LRP1B: variants seen among roughly 807,000 people sequenced by gnomAD.
LRP1B encodes the protein LDL receptor related protein 1B, also known as low-density lipoprotein receptor-related protein 1B.
LRP1B carries 217 observed loss-of-function variants against 556.6 expected under a neutral mutation model. The observed-to-expected ratio is 0.39, with a 90% confidence interval of 0.35 to 0.44. LRP1B has a LOEUF of 0.44. Among genes scored for constraint, LRP1B ranks in the 20% least tolerant of loss-of-function variants. The pLI is 1.00. For synonymous variants in LRP1B, 2,047 were observed against 1,865.8 expected (o/e 1.10, Z -2.50); for missense variants, 5,053 against 5,620.8 (o/e 0.90, Z 3.23).
intron 3 of LRP1B, among the ~76,000 whole-genome samples, chr2:141,365,026 A>C (rs60803164): frequency 0.06 from 9,179 of 152,264 alleles, 378 homozygotes; most frequent in African/African-American, 0.11. Context: ...ATTCACTGAG[A>C]GAAAACAGCT....
At chr2:141,771,016 G>A (rs909267766) in intron 2 of LRP1B, among the ~76,000 whole-genome samples, 12 of 152,090 alleles carry the variant, frequency 7.9e-5, no homozygotes, top group African/African-American at 1.2e-4. Flanking sequence ...CTGACTTCTC[G>A]TGTTTTATTA....
At chr2:141,244,286 T>C (rs1249018390) in intron 5 of LRP1B, among the ~76,000 whole-genome samples, 1 of 152,224 alleles carries the variant, frequency 6.6e-6, no homozygotes, top group East Asian at 1.9e-4. Flanking sequence ...ATTTTTATAG[T>C]ATCCTTTCTT....
At chr2:140,952,024 G>T in intron 18 of LRP1B, 84 bp from the exon 19 acceptor site, 1 of 956,520 alleles carries the variant, frequency 1.0e-6, no homozygotes, top group South Asian at 1.4e-5. Flanking sequence ...AATGTGATCA[G>T]AACTCCTTCC....
chr2:142,010,554 CAAAAAAAA>C (rs33927334), intron 1 of LRP1B, among the ~76,000 whole-genome samples: 4 of 60,240 alleles, frequency 6.6e-5, no homozygotes, highest in African/African-American at 1.3e-4. Flanking sequence ...GATTCTGTCT[CAAAAAAAA>C]AAAAAAAAAA....
intron 2 of LRP1B, among the ~76,000 whole-genome samples, chr2:141,541,260 C>T (rs1295343495): frequency 2.6e-5 from 4 of 152,108 alleles, no homozygotes; most frequent in South Asian, 2.1e-4. Context: ...GTGGACTCTG[C>T]CATCCAGAAA....
At chr2:141,646,195 A>G (rs868227164) in intron 2 of LRP1B, among the ~76,000 whole-genome samples, 1 of 152,112 alleles carries the variant, frequency 6.6e-6, no homozygotes, top group Non-Finnish European at 1.5e-5. Flanking sequence ...CTTAGCTTTT[A>G]TATTCATTTT....
At chr2:140,364,617 T>A (rs1558831176) in intron 72 of LRP1B, 44 bp downstream of exon 72, 16 of 1,597,218 alleles carry the variant, frequency 1.0e-5, no homozygotes, top group Non-Finnish European at 1.4e-5. Context: ...GTGCCTGAGA[T>A]CAGAAGATAA....
rs536473685 is a variant in LRP1B, at chr2:142,022,612, GAACAAATCTCATTACTTTTATTTTAATA to G, written c.82+108008_82+108035del. On this transcript the variant is annotated intron_variant, in intron 1 of 90. Coordinates refer to ENST00000389484, the MANE Select transcript of LRP1B (RefSeq NM_018557.3). ...TTAAGCCATGTGAAAGGGGCTTAAT[GAACAAATCTCATTACTTTTATTTTAATA>G]AACAAATCTCACTGCTTTTATTTTA... 2.6e-5 allele frequency among the ~76,000 whole-genome samples: 4 copies of G among 151,392 alleles called. No individual in the cohort carries two copies. The South Asian group carries it at 8.5e-4, about 32-fold the overall frequency.
At chr2:140,243,775 T>G (rs866718225) in intron 87 of LRP1B, among the ~76,000 whole-genome samples, 10 of 151,136 alleles carry the variant, frequency 6.6e-5, no homozygotes, top group African/African-American at 2.4e-4. Flanking sequence ...TCTTTCAGTC[T>G]GCTGGACATG....
At chr2:141,244,635 G>C (rs1473646074) in intron 5 of LRP1B, among the ~76,000 whole-genome samples, 2 of 152,040 alleles carry the variant, frequency 1.3e-5, no homozygotes. Context: ...GCACTAACTG[G>C]AATTACATAT....
At chr2:141,774,253 G>C (rs1395622074) in intron 2 of LRP1B, among the ~76,000 whole-genome samples, 1 of 152,148 alleles carries the variant, frequency 6.6e-6, no homozygotes, top group African/African-American at 2.4e-5. Flanking sequence ...AGGACAAAAG[G>C]TTTATTTTGG....
chr2:140,459,859 A>T (rs1183894049), intron 60 of LRP1B, among the ~76,000 whole-genome samples: 1 of 151,958 alleles, frequency 6.6e-6, no homozygotes, highest in Non-Finnish European at 1.5e-5. Context: ...AGTGTGTAGC[A>T]CTTCCCCCCT....
chr2:140,808,014 C>T (rs1048737900), intron 32 of LRP1B, among the ~76,000 whole-genome samples: 1 of 152,132 alleles, frequency 6.6e-6, no homozygotes, highest in African/African-American at 2.4e-5. Context: ...ATCATTTGAA[C>T]CTGGGAGGTG....
At chr2:141,289,966 GT>G (rs929317503) in intron 3 of LRP1B, among the ~76,000 whole-genome samples, 1 of 151,908 alleles carries the variant, frequency 6.6e-6, no homozygotes, top group East Asian at 1.9e-4. Context: ...AAGTGACTTG[GT>G]TTTTTTTCTA....
chr2:141,215,483 A>G (rs1682763903), intron 6 of LRP1B, among the ~76,000 whole-genome samples: 3 of 152,174 alleles, frequency 2.0e-5, no homozygotes. Context: ...AGATTGGAAG[A>G]GTTTAGAGGG....
intron 89 of LRP1B, among the ~76,000 whole-genome samples, chr2:140,235,194 C>A (rs180932633): frequency 6.6e-6 from 1 of 151,118 alleles, no homozygotes; most frequent in Non-Finnish European, 1.5e-5. Flanking sequence ...AAAACTAGTA[C>A]ATATTTATCT....
intron 25 of LRP1B, among the ~76,000 whole-genome samples, chr2:140,882,860 G>A (rs1433053894): frequency 6.6e-6 from 1 of 152,052 alleles, no homozygotes; most frequent in African/African-American, 2.4e-5. Context: ...GCACTCATTG[G>A]TGCTCCCTGG....
At chr2:140,493,962 C>T (rs971565477) in intron 56 of LRP1B, among the ~76,000 whole-genome samples, 9 of 152,124 alleles carry the variant, frequency 5.9e-5, no homozygotes, top group Non-Finnish European at 1.3e-4. Flanking sequence ...GTTGAAGGTG[C>T]CTTGCCACTC....
chr2:141,068,329 G>A (rs1270886311), intron 7 of LRP1B, among the ~76,000 whole-genome samples: 2 of 151,888 alleles, frequency 1.3e-5, no homozygotes, highest in African/African-American at 4.8e-5. Flanking sequence ...GTGAGAAAGA[G>A]GGGTGCTCGT....
Sources: allele counts gnomAD v4.1 joint callset (sites outside exome capture counted in the v4.1 genomes callset), GRCh38; gene constraint gnomAD v4.1.1; transcripts MANE v1.5; gene names NCBI Gene and HGNC (gene_info 2026-07-23, HGNC 2026-07-21).